The following MYO10 variants were observed in gnomAD, a reference collection of about 807,000 sequenced individuals.
MYO10 encodes the protein myosin X, also known as unconventional myosin-X.
MYO10 carries 133 observed loss-of-function variants against 257.3 expected under a neutral mutation model. That is an observed-to-expected ratio of 0.52 (90% CI 0.45 to 0.60). The LOEUF (loss-of-function observed/expected upper bound fraction) is 0.60. MYO10 is among the 20% of genes least tolerant of loss of function. The probability of loss-of-function intolerance (pLI) is 0.00; values close to 1 mark genes in which losing one functional copy is unlikely to be tolerated. For synonymous variants in MYO10, 1,104 were observed against 1,028.6 expected (o/e 1.07, Z -1.40); for missense variants, 2,399 against 2,635.7 (o/e 0.91, Z 1.97).
At chr5:16,780,429 G>A in intron 8 of MYO10, 95 bp downstream of exon 8, 2 of 1,167,126 alleles carry the variant, frequency 1.7e-6, no homozygotes, top group South Asian at 1.3e-5. Context: ...TCGGTGAAAT[G>A]TCAACATTAA....
rs189880070 is a variant in MYO10 at position 16,685,622 on chromosome 5, C to T, written c.3990+116G>A. ...TTTCTCCTTAATTATTCTATATTTA[C>T]CTTTTAAAAAAAGACTGTCTGGAAA... On this transcript the variant is annotated intron_variant, in intron 29 of 40. Transcript: ENST00000513610. 6,410 of 755,146 alleles carry T rather than the reference C, an allele frequency of 8.5e-3. 46 individuals carry two copies. Among genetic ancestry groups the T allele is most frequent in the South Asian group, 0.01 (594 of 58,658 alleles). The allele number at this position is 755,146 out of a possible 1,614,324, so 46.8% of individuals were successfully genotyped here.
intron 2 of MYO10, among the ~76,000 whole-genome samples, chr5:16,818,408 G>A (rs79752739): frequency 0.18 from 16,737 of 92,156 alleles, 1,198 homozygotes; most frequent in South Asian, 0.33. Context: ...GTGTGTGTGT[G>A]TGTATATATA....
chr5:16,870,280 A>G (rs1226775985), intron 2 of MYO10, among the ~76,000 whole-genome samples: 1 of 151,456 alleles, frequency 6.6e-6, no homozygotes, highest in African/African-American at 2.4e-5. Flanking sequence ...GCTTCCTCCA[A>G]AACACTAATA....
At chr5:16,669,715 TA>T (rs1157396845) in intron 39 of MYO10, among the ~76,000 whole-genome samples, 3 of 152,182 alleles carry the variant, frequency 2.0e-5, no homozygotes, top group Non-Finnish European at 1.5e-5. Flanking sequence ...TTCTAGAATT[TA>T]TAATATTTAG....
chr5:16,675,069 G>C lies in MYO10; in HGVS notation c.4748C>G (p.Ser1583Cys). Reference protein sequence around the residue: ...FNSLQQLESMSDPIPIIQGIL... With the variant: ...FNSLQQLESMCDPIPIIQGIL... ...GCCCTGGATTATTGGAATTGGGTCA[G>C]ACATGGACTCCAGTTGCTGCAGGGA... The change falls in exon 35 of 41, where the codon TCT becomes TGT. Residue 1583 changes from serine to cysteine, a missense_variant. Physicochemically the swap from Ser to Cys is moderately radical, Grantham distance 112. Transcript: ENST00000513610. The C allele has an allele frequency of 6.2e-7, 1 of 1,614,012 alleles. No individual in the cohort carries two copies. The highest frequency in any genetic ancestry group is 1.3e-5 in the African/African-American group (1 of 75,054).
intron 1 of MYO10, among the ~76,000 whole-genome samples, chr5:16,911,709 G>A (rs1561055071): frequency 6.6e-6 from 1 of 152,104 alleles, no homozygotes; most frequent in African/African-American, 2.4e-5. Context: ...TCCATCCTGG[G>A]TAACTGAGTG....
At chr5:16,676,821 T>C (rs1171630457) in intron 33 of MYO10, among the ~76,000 whole-genome samples, 2 of 152,176 alleles carry the variant, frequency 1.3e-5, no homozygotes, top group African/African-American at 2.4e-5. Context: ...CTGGGCAACA[T>C]AGTGAGGCCC....
intron 2 of MYO10, among the ~76,000 whole-genome samples, chr5:16,855,452 C>A (rs1580078524): frequency 6.6e-6 from 1 of 152,252 alleles, no homozygotes; most frequent in Admixed American, 6.5e-5. Flanking sequence ...AAGCGAGATA[C>A]ATGTTTTAAA....
At chr5:16,755,693 A>G (rs905999002) in intron 18 of MYO10, among the ~76,000 whole-genome samples, 30 of 151,520 alleles carry the variant, frequency 2.0e-4, no homozygotes, top group African/African-American at 7.0e-4. Context: ...ACTCCAGATC[A>G]ATCTTTAATA....
At chr5:16,716,969 C>T (rs39889) in intron 19 of MYO10, among the ~76,000 whole-genome samples, 117,182 of 151,950 alleles carry the variant, frequency 0.77, 45,912 homozygotes, top group Non-Finnish European at 0.84. Flanking sequence ...AAATGGGTAG[C>T]TGGGATTACA....
intron 19 of MYO10, among the ~76,000 whole-genome samples, chr5:16,751,027 A>AT (rs1440878424): frequency 2.6e-5 from 4 of 152,046 alleles, no homozygotes; most frequent in African/African-American, 9.7e-5. Flanking sequence ...AAAAACTTCT[A>AT]TATTTTCTAA....
intron 26 of MYO10, among the ~76,000 whole-genome samples, chr5:16,697,502 C>T (rs1005631430): frequency 2.0e-5 from 3 of 152,050 alleles, no homozygotes; most frequent in South Asian, 4.2e-4. Flanking sequence ...GAGTTCGAGA[C>T]CAGCCTGGCC....
intron 19 of MYO10, among the ~76,000 whole-genome samples, chr5:16,711,815 G>A (rs1445251743): frequency 2.0e-5 from 3 of 151,362 alleles, no homozygotes; most frequent in South Asian, 2.1e-4. Context: ...CCCAAACATC[G>A]CATCACCTCA....
intron 21 of MYO10, among the ~76,000 whole-genome samples, chr5:16,705,621 G>A (rs748699537): frequency 6.6e-6 from 1 of 152,020 alleles, no homozygotes; most frequent in African/African-American, 2.4e-5. Context: ...TGGTGTCTCC[G>A]CAATTTTTTA....
chr5:16,704,378 T>C (rs1382408725), intron 22 of MYO10, among the ~76,000 whole-genome samples: 1 of 152,092 alleles, frequency 6.6e-6, no homozygotes, highest in African/African-American at 2.4e-5. Flanking sequence ...TCTTTCTACC[T>C]GAGAAGTCAA....
chr5:16,827,590 G>A (rs1323505783), intron 2 of MYO10, among the ~76,000 whole-genome samples: 16 of 152,044 alleles, frequency 1.1e-4, no homozygotes, highest in Non-Finnish European at 2.4e-4. Flanking sequence ...CCCAGCCAAT[G>A]TTATCTTTAT....
At chr5:16,773,529 G>A (rs1353526900) in intron 9 of MYO10, among the ~76,000 whole-genome samples, 1 of 151,852 alleles carries the variant, frequency 6.6e-6, no homozygotes, top group Non-Finnish European at 1.5e-5. Context: ...TAGTGTGCTG[G>A]CATACACCTG....
chr5:16,806,551 G>A (rs1475548877), intron 3 of MYO10, among the ~76,000 whole-genome samples: 1 of 151,984 alleles, frequency 6.6e-6, no homozygotes, highest in Non-Finnish European at 1.5e-5. Flanking sequence ...AGGAGGCTGA[G>A]GCAGGAGAAT....
chr5:16,695,697 TTA>T (rs1473142528), intron 26 of MYO10, among the ~76,000 whole-genome samples: 8 of 152,344 alleles, frequency 5.3e-5, no homozygotes, highest in Admixed American at 3.9e-4. Context: ...ACATCTGTTA[TTA>T]TAAGACTGTC....
Sources: allele counts gnomAD v4.1 joint callset (sites outside exome capture counted in the v4.1 genomes callset), GRCh38; gene constraint gnomAD v4.1.1; transcripts MANE v1.5; gene names NCBI Gene and HGNC (gene_info 2026-07-23, HGNC 2026-07-21).